The following SHISA9 variants were observed in gnomAD, a reference collection of about 807,000 sequenced individuals.
SHISA9 encodes protein shisa-9.
In SHISA9, 13 loss-of-function variants were observed where a neutral mutation model predicts 38.0. That is an observed-to-expected ratio of 0.34 (90% CI 0.22 to 0.54). SHISA9 has a LOEUF of 0.54. Ranked by LOEUF, SHISA9 falls within the 20% of genes least tolerant of loss-of-function variation. The pLI is 0.91. For synonymous variants in SHISA9, 275 were observed against 242.0 expected (o/e 1.14, Z -1.27); for missense variants, 538 against 575.8 (o/e 0.93, Z 0.67).
chr16:13,304,027 T>A, the SHISA9 span, among the ~76,000 whole-genome samples: 2 of 152,070 alleles, frequency 1.3e-5, no homozygotes, highest in East Asian at 1.9e-4. Flanking sequence ...AAAAAAAAAA[T>A]AATAAAGCAG....
intron 2 of SHISA9, among the ~76,000 whole-genome samples, chr16:13,037,769 G>C (rs2073091895): frequency 6.6e-6 from 1 of 152,100 alleles, no homozygotes; most frequent in Admixed American, 6.5e-5. Flanking sequence ...ATGTATATCT[G>C]ATTCATTCAC....
intron 2 of SHISA9, among the ~76,000 whole-genome samples, chr16:12,976,821 G>A (rs1322308393): frequency 1.3e-5 from 2 of 152,146 alleles, no homozygotes; most frequent in East Asian, 1.9e-4. Flanking sequence ...ACCCCAAGCA[G>A]AGGAAATGAA....
At chr16:13,377,659 A>G in the SHISA9 span, among the ~76,000 whole-genome samples, 2 of 152,260 alleles carry the variant, frequency 1.3e-5, no homozygotes. Flanking sequence ...GTGAAAAAGA[A>G]GATTCTACTC....
At chr16:13,467,913 A>G in the SHISA9 span, among the ~76,000 whole-genome samples, 8 of 152,208 alleles carry the variant, frequency 5.3e-5, no homozygotes, top group African/African-American at 1.4e-4. Flanking sequence ...AACAAATTTC[A>G]TGTGTGAGTG....
intron 2 of SHISA9, among the ~76,000 whole-genome samples, chr16:12,938,218 G>A (rs1006088721): frequency 9.2e-5 from 14 of 152,184 alleles, no homozygotes; most frequent in African/African-American, 2.7e-4. Flanking sequence ...TATATTTTCC[G>A]ATGGGTCAGT....
chr16:13,425,194 A>G, the SHISA9 span, among the ~76,000 whole-genome samples: 1 of 152,254 alleles, frequency 6.6e-6, no homozygotes, highest in Non-Finnish European at 1.5e-5. Context: ...GACATTGGTT[A>G]CTTCAAAAGC....
At chr16:13,150,403 C>A (rs948413879) in intron 2 of SHISA9, among the ~76,000 whole-genome samples, 3 of 152,228 alleles carry the variant, frequency 2.0e-5, no homozygotes, top group African/African-American at 7.2e-5. Context: ...GATGTGGTGA[C>A]GTCCATGTCT....
chr16:13,187,210 C>A (rs1203195771), intron 2 of SHISA9, among the ~76,000 whole-genome samples: 3 of 152,174 alleles, frequency 2.0e-5, no homozygotes, highest in African/African-American at 7.2e-5. Context: ...AGGATTGCAA[C>A]CCAAGTTCTC....
chr16:13,393,712 G>C, the SHISA9 span, among the ~76,000 whole-genome samples: 1 of 152,172 alleles, frequency 6.6e-6, no homozygotes, highest in Non-Finnish European at 1.5e-5. Context: ...ACAGCTCTGG[G>C]ACTCTGATGA....
the SHISA9 span, among the ~76,000 whole-genome samples, chr16:13,349,440 T>C: frequency 6.6e-6 from 1 of 152,216 alleles, no homozygotes; most frequent in African/African-American, 2.4e-5. Flanking sequence ...ACCAGCTCTC[T>C]GGAGGTCAAG....
chr16:13,109,760 T>G (rs2073959883), intron 2 of SHISA9, among the ~76,000 whole-genome samples: 1 of 152,224 alleles, frequency 6.6e-6, no homozygotes, highest in Non-Finnish European at 1.5e-5. Flanking sequence ...TGAATGGAAT[T>G]ATACAGTATG....
chr16:13,438,302 A>C, the SHISA9 span, among the ~76,000 whole-genome samples: 3 of 152,214 alleles, frequency 2.0e-5, no homozygotes, highest in Non-Finnish European at 2.9e-5. Flanking sequence ...GACGAGGTTA[A>C]GTATGCATTG....
chr16:13,538,793 G>A, the SHISA9 span, among the ~76,000 whole-genome samples: 1 of 152,154 alleles, frequency 6.6e-6, no homozygotes, highest in Non-Finnish European at 1.5e-5. Flanking sequence ...ATTGAATTAT[G>A]AGGCATCAAT....
At chr16:13,143,060 G>A (rs1429340311) in intron 2 of SHISA9, among the ~76,000 whole-genome samples, 1 of 141,138 alleles carries the variant, frequency 7.1e-6, no homozygotes, top group African/African-American at 2.7e-5. Flanking sequence ...AGGGTGGAGT[G>A]CAGTGGTGTG....
chr16:13,123,500 A>G (rs1191337029), intron 2 of SHISA9, among the ~76,000 whole-genome samples: 1 of 152,216 alleles, frequency 6.6e-6, no homozygotes, highest in African/African-American at 2.4e-5. Context: ...CATGAAGAAG[A>G]GAAGTGGCTG....
At chr16:13,349,269 A>G in the SHISA9 span, among the ~76,000 whole-genome samples, 1 of 152,354 alleles carries the variant, frequency 6.6e-6, no homozygotes, top group South Asian at 2.1e-4. Flanking sequence ...GGTCTTAACC[A>G]CCCGCAGTGT....
At chr16:13,001,692 G>A (rs564766209) in intron 2 of SHISA9, among the ~76,000 whole-genome samples, 1 of 152,258 alleles carries the variant, frequency 6.6e-6, no homozygotes, top group East Asian at 1.9e-4. Flanking sequence ...GTATTCCTAA[G>A]ATTTGTGTCT....
chr16:13,039,377 A>G (rs2073108361), intron 2 of SHISA9, among the ~76,000 whole-genome samples: 1 of 152,166 alleles, frequency 6.6e-6, no homozygotes, highest in Non-Finnish European at 1.5e-5. Flanking sequence ...TGACTTGTAC[A>G]AGGTAATACA....
At chr16:12,933,711 T>C (rs1282308151) in intron 2 of SHISA9, among the ~76,000 whole-genome samples, 2 of 152,208 alleles carry the variant, frequency 1.3e-5, no homozygotes, top group Non-Finnish European at 2.9e-5. Flanking sequence ...GGGCACATTA[T>C]GTTGTGCCAT....
Sources: gnomAD v4.1 joint callset for allele counts (sites outside exome capture counted in the v4.1 genomes callset) on GRCh38, gnomAD v4.1.1 for gene constraint, MANE v1.5 for transcripts, NCBI Gene and HGNC (gene_info 2026-07-23, HGNC 2026-07-21) for gene names.